TMEM248: variants seen among roughly 807,000 people sequenced by gnomAD.
TMEM248 encodes UPF0458 protein C7orf42.
TMEM248 carries 9 observed loss-of-function variants against 30.3 expected under a neutral mutation model. That is an observed-to-expected ratio of 0.30 (90% CI 0.18 to 0.52). The LOEUF is 0.52. Among genes scored for constraint, TMEM248 ranks in the 20% least tolerant of loss-of-function variants. TMEM248 has a pLI of 0.97. For synonymous variants in TMEM248, 184 were observed against 154.4 expected (o/e 1.19, Z -1.42); for missense variants, 338 against 403.3 (o/e 0.84, Z 1.39).
intron 1 of TMEM248, among the ~76,000 whole-genome samples, chr7:66,928,312 A>G (rs1194007226): frequency 2.0e-5 from 3 of 151,984 alleles, no homozygotes; most frequent in Non-Finnish European, 4.4e-5. Flanking sequence ...TGCACTTTGT[A>G]TATCTATGGC....
chr7:66,951,089 A>G lies in TMEM248; in HGVS notation c.734A>G (p.Lys245Arg). 6.2e-7 allele frequency: 1 copy of G among 1,608,250 alleles called. No homozygotes were observed. Among genetic ancestry groups the G allele is most frequent in the Non-Finnish European group, 8.5e-7 (1 of 1,178,136 alleles). ...TGGTGTTATAAGGGGGCCATTGGAAAAGTCTATCATGCTTTAAATCCCAAG... is the reference window on the plus strand; with the variant it reads ...TGGTGTTATAAGGGGGCCATTGGAAGAGTCTATCATGCTTTAAATCCCAAG... Reference protein sequence around the residue: ...PFWCYKGAIGKVYHALNPKLT... With the variant: ...PFWCYKGAIGRVYHALNPKLT... Residue 245 changes from lysine (K) to arginine (R), a missense_variant, in exon 5 of 7, where the codon AAA becomes AGA. Coordinates refer to ENST00000341567, the MANE Select transcript of TMEM248 (RefSeq NM_017994.5).
chr7:66,954,524 G>A (rs550967769), intron 6 of TMEM248, among the ~76,000 whole-genome samples: 3 of 151,742 alleles, frequency 2.0e-5, no homozygotes, highest in African/African-American at 4.8e-5. Context: ...AACCTCCTGA[G>A]TAGCTGGGAC....
chr7:66,942,075 G>A (rs1791978151), intron 2 of TMEM248, 51 bp downstream of exon 2: 1 of 1,577,378 alleles, frequency 6.3e-7, no homozygotes, highest in South Asian at 1.2e-5. Flanking sequence ...GTGCAGTGGG[G>A]CAACACCCTG....
chr7:66,941,371 T>C, intron 1 of TMEM248, among the ~76,000 whole-genome samples: 1 of 131,016 alleles, frequency 7.6e-6, no homozygotes, highest in Admixed American at 8.5e-5. Context: ...AGAGTGAGAC[T>C]CCGTCTCAAA....
chr7:66,955,654 A>C lies in TMEM248; in HGVS notation c.*132A>C. 1 of 1,087,756 alleles carries C rather than the reference A, an allele frequency of 9.2e-7. No homozygotes were observed. 67.4% of individuals were successfully genotyped at this position (1,087,756 alleles called of 1,614,324 possible). A position where few individuals can be genotyped will look rare whatever the true frequency, so the allele number is the denominator to read the frequency against. On this transcript the variant is annotated 3_prime_UTR_variant, in exon 7 of 7. Transcript: ENST00000341567. ...GGGTTATTCCAGCCAAAGACATTTC[A>C]AGTGCCTGTAACTGATTTGTACATA...
At chr7:66,929,698 T>C (rs1486497613) in intron 1 of TMEM248, among the ~76,000 whole-genome samples, 3 of 152,102 alleles carry the variant, frequency 2.0e-5, no homozygotes, top group Admixed American at 6.6e-5. Context: ...CCTCCCAAAA[T>C]GCTGGCATTA....
At chr7:66,941,764 C>G in intron 1 of TMEM248, 84 bp from the exon 2 acceptor site, 1 of 1,303,858 alleles carries the variant, frequency 7.7e-7, no homozygotes, top group Non-Finnish European at 1.0e-6. Flanking sequence ...CAGCTCACCC[C>G]CCAACACCTC....
chr7:66,943,650 T>A (rs143761638), intron 2 of TMEM248, among the ~76,000 whole-genome samples: 160 of 152,318 alleles, frequency 1.1e-3, no homozygotes, highest in African/African-American at 3.5e-3. Flanking sequence ...TCAACCCTAA[T>A]GTACTAGAAT....
intron 1 of TMEM248, among the ~76,000 whole-genome samples, chr7:66,928,447 T>G (rs1791579065): frequency 6.6e-6 from 1 of 152,208 alleles, no homozygotes; most frequent in Non-Finnish European, 1.5e-5. Flanking sequence ...TTTCTGCCAT[T>G]TATTTGCAGC....
At chr7:66,949,756 C>T (rs933109784) in intron 4 of TMEM248, among the ~76,000 whole-genome samples, 5 of 151,518 alleles carry the variant, frequency 3.3e-5, no homozygotes, top group African/African-American at 1.2e-4. Flanking sequence ...GAAGCTTTTC[C>T]TTCAGTGTTT....
intron 1 of TMEM248, chr7:66,921,834 A>C (rs1791393173): frequency 6.6e-6 from 1 of 152,268 alleles, no homozygotes; most frequent in Admixed American, 6.5e-5. Flanking sequence ...TTGGCAGTGA[A>C]ACACATCTCA....
intron 1 of TMEM248, among the ~76,000 whole-genome samples, chr7:66,926,532 A>T (rs1791528519): frequency 6.6e-6 from 1 of 151,664 alleles, no homozygotes; most frequent in African/African-American, 2.4e-5. Context: ...GCTACTCAGG[A>T]GGCTGAAGCA....
intron 4 of TMEM248, among the ~76,000 whole-genome samples, chr7:66,950,108 C>T (rs1052907228): frequency 2.0e-5 from 3 of 151,952 alleles, no homozygotes; most frequent in African/African-American, 7.3e-5. Context: ...CACCTGTAAT[C>T]CCAGCTACTT....
rs546594544 is a variant in TMEM248, at chr7:66,957,017, T to C, written c.*1495T>C. ...TTGATTGTCTAGTCCCTGTTTCTTT[T>C]TCTTTCTAATCCTTATTCATTTAAG... On this transcript the variant is annotated 3_prime_UTR_variant, in exon 7 of 7. Coordinates refer to ENST00000341567, the MANE Select transcript of TMEM248 (RefSeq NM_017994.5). The C allele has an allele frequency of 2.0e-5, 3 of 152,794 alleles. No homozygotes were observed. Among genetic ancestry groups the C allele is most frequent in the East Asian group, 3.8e-4 (2 of 5,196 alleles). 9.5% of individuals were successfully genotyped at this position (152,794 alleles called of 1,614,324 possible).
At chr7:66,947,902 A>G (rs1361086203) in intron 3 of TMEM248, among the ~76,000 whole-genome samples, 3 of 152,082 alleles carry the variant, frequency 2.0e-5, no homozygotes, top group African/African-American at 7.2e-5. Context: ...GGTGTGCACC[A>G]GTACACCTGG....
At chr7:66,946,849 A>C (rs1408924445) in intron 3 of TMEM248, among the ~76,000 whole-genome samples, 1 of 152,308 alleles carries the variant, frequency 6.6e-6, no homozygotes, top group Middle Eastern at 3.4e-3. Flanking sequence ...AATAATCAGG[A>C]AAGGCTTCAT....
At chr7:66,953,028 C>T (rs952740847) in intron 5 of TMEM248, among the ~76,000 whole-genome samples, 198 bp from the exon 6 acceptor site, 4 of 152,044 alleles carry the variant, frequency 2.6e-5, no homozygotes, top group African/African-American at 4.8e-5. Context: ...AACAGAGGCT[C>T]GGGAGCACCA....
chr7:66,952,545 C>T (rs1033898299), intron 5 of TMEM248, among the ~76,000 whole-genome samples: 1 of 152,126 alleles, frequency 6.6e-6, no homozygotes, highest in Non-Finnish European at 1.5e-5. Context: ...AGCTGCCCCG[C>T]TATGTTATAA....
At position 66,924,060 on chromosome 7, in the gene TMEM248, A is replaced by G. The variant is rs188784125; in HGVS notation, c.-19+2599A>G. Among the ~76,000 whole-genome samples the G allele has an allele frequency of 1.5e-3, 227 of 152,372 alleles. 1 individual carries two copies. The highest frequency in any genetic ancestry group is 3.5e-3 in the South Asian group (17 of 4,824). ...CAATGCTTAACTTATTTTATTAAGG[A>G]CAATGAAAAAGATGCTGATTGTCAT... On this transcript the variant is annotated intron_variant, in intron 1 of 6. Transcript: ENST00000341567.
Sources: gnomAD v4.1 joint callset for allele counts (sites outside exome capture counted in the v4.1 genomes callset) on GRCh38, gnomAD v4.1.1 for gene constraint, MANE v1.5 for transcripts, NCBI Gene and HGNC (gene_info 2026-07-23, HGNC 2026-07-21) for gene names.